PROS1: variants seen among roughly 807,000 people sequenced by gnomAD.
PROS1 encodes protein S.
A neutral mutation model predicts 75.9 loss-of-function variants in PROS1; 29 were observed. That is an observed-to-expected ratio of 0.38 (90% confidence interval 0.28 to 0.52). PROS1 has a LOEUF of 0.52. PROS1 is among the 20% of genes least tolerant of loss of function. The pLI is 0.83. For synonymous variants in PROS1, 245 were observed against 280.6 expected, an observed-to-expected ratio of 0.87 and a Z score of 1.27; for missense variants, 680 against 810.3, an observed-to-expected ratio of 0.84 and a Z score of 1.95.
intron 1 of PROS1, among the ~76,000 whole-genome samples, chr3:93,970,694 T>C (rs1709866434): frequency 6.6e-6 from 1 of 152,172 alleles, no homozygotes; most frequent in African/African-American, 2.4e-5. Flanking sequence ...CTCATACATA[T>C]ATGTATGTAT....
chr3:93,905,548 T>C (rs1708660038), intron 6 of PROS1, among the ~76,000 whole-genome samples: 1 of 152,158 alleles, frequency 6.6e-6, no homozygotes, highest in Non-Finnish European at 1.5e-5. Flanking sequence ...AAGGCTACAG[T>C]GAGCCATGAT....
intron 1 of PROS1, among the ~76,000 whole-genome samples, chr3:93,946,376 A>G (rs1417320711): frequency 2.6e-5 from 4 of 152,164 alleles, no homozygotes; most frequent in East Asian, 1.9e-4. Context: ...GAACAAAGCT[A>G]GAGGCATCAT....
chr3:93,973,891 CG>C lies in PROS1; in HGVS notation c.-143del. On this transcript the variant is annotated 5_prime_UTR_variant, in exon 1 of 15. Coordinates refer to ENST00000394236, the MANE Select transcript of PROS1 (RefSeq NM_000313.4). ...GCGCCAGCGACCCAGCGAGCCTCGG[CG>C]GAACAGCCGGGGGCGGAGGAGACCG... is the stretch of plus-strand genomic sequence containing the variant. The C allele has an allele frequency of 1.1e-5, 6 of 558,014 alleles. No individual in the cohort carries two copies. Among genetic ancestry groups the C allele is most frequent in the South Asian group, 5.7e-5 (1 of 17,520 alleles). The allele number at this position is 558,014 out of a possible 1,614,324, so 34.6% of individuals were successfully genotyped here. A position where few individuals can be genotyped will look rare whatever the true frequency, so the allele number is the denominator to read the frequency against.
At chr3:93,886,541 T>C in intron 10 of PROS1, 38 bp from the exon 11 acceptor site, 1 of 1,467,058 alleles carries the variant, frequency 6.8e-7, no homozygotes, top group Non-Finnish European at 9.5e-7. Flanking sequence ...TAACCAAGTA[T>C]TACTACATGT....
intron 9 of PROS1, among the ~76,000 whole-genome samples, chr3:93,893,832 T>C (rs1051492196): frequency 3.9e-5 from 6 of 152,198 alleles, no homozygotes; most frequent in African/African-American, 1.4e-4. Flanking sequence ...AAAGACATAG[T>C]CTACCCATGT....
At position 93,874,383 on chromosome 3, in the gene PROS1, T is replaced by C; in HGVS notation, c.1893A>G (p.Pro631=). ...GLPDVPFSAT[P]VNAFYNGCME... ...TGCAGCCATTATAAAAGGCATTCAC[T>C]GGTGTGGCACTGAATGGAACATCTG... Residue 631 remains proline, a synonymous_variant, in exon 15 of 15, where the codon CCA becomes CCG. Transcript: ENST00000394236. 6.2e-7 allele frequency: 1 copy of C among 1,613,410 alleles called. No individual in the cohort carries two copies. Among genetic ancestry groups the C allele is most frequent in the Non-Finnish European group, 8.5e-7 (1 of 1,179,506 alleles).
At chr3:93,926,554 C>T (rs1709019900) in intron 2 of PROS1, among the ~76,000 whole-genome samples, 1 of 152,118 alleles carries the variant, frequency 6.6e-6, no homozygotes, top group Admixed American at 6.5e-5. Flanking sequence ...ATCTCTTGAA[C>T]CCGGGAAGTG....
chr3:93,927,881 A>G (rs201166680), intron 1 of PROS1, among the ~76,000 whole-genome samples: 89 of 118,030 alleles, frequency 7.5e-4, no homozygotes, highest in African/African-American at 2.2e-3. Flanking sequence ...ATATGTGTGT[A>G]TGTGTATATA....
intron 1 of PROS1, among the ~76,000 whole-genome samples, 159 bp from the exon 2 acceptor site, chr3:93,927,566 C>A (rs1440627657): frequency 6.6e-6 from 1 of 151,960 alleles, no homozygotes; most frequent in Non-Finnish European, 1.5e-5. Context: ...TACAGAAGCA[C>A]GTTGGTTAAC....
intron 4 of PROS1, among the ~76,000 whole-genome samples, chr3:93,907,307 T>C (rs1413260596): frequency 1.3e-5 from 2 of 152,106 alleles, no homozygotes; most frequent in Non-Finnish European, 2.9e-5. Flanking sequence ...GGGCCTCCCA[T>C]GTACTGGGAG....
At chr3:93,905,053 A>C (rs934961798) in intron 6 of PROS1, among the ~76,000 whole-genome samples, 1 of 152,258 alleles carries the variant, frequency 6.6e-6, no homozygotes, top group African/African-American at 2.4e-5. Context: ...AAATCAGAAA[A>C]GTATTTCTGA....
chr3:93,964,338 T>C (rs538034795), intron 1 of PROS1, among the ~76,000 whole-genome samples: 107 of 152,330 alleles, frequency 7.0e-4, no homozygotes, highest in African/African-American at 2.4e-3. Flanking sequence ...CTAAATTCTT[T>C]TCCTAGCAAG....
intron 6 of PROS1, among the ~76,000 whole-genome samples, chr3:93,903,628 C>T (rs552684480): frequency 6.6e-6 from 1 of 152,228 alleles, no homozygotes; most frequent in South Asian, 2.1e-4. Context: ...CGTTCCACTG[C>T]ACTCCAGCCT....
chr3:93,955,389 T>C (rs955811507), intron 1 of PROS1, among the ~76,000 whole-genome samples: 2 of 152,210 alleles, frequency 1.3e-5, no homozygotes, highest in South Asian at 4.1e-4. Flanking sequence ...TGGAATACTA[T>C]GCAGTCATAA....
intron 1 of PROS1, among the ~76,000 whole-genome samples, chr3:93,957,778 T>C (rs1375482941): frequency 6.6e-6 from 1 of 152,196 alleles, no homozygotes; most frequent in Non-Finnish European, 1.5e-5. Context: ...CATTCTCACA[T>C]TGCTACGAAG....
chr3:93,895,399 G>GA (rs780405296), intron 9 of PROS1, among the ~76,000 whole-genome samples: 21 of 152,148 alleles, frequency 1.4e-4, no homozygotes, highest in Middle Eastern at 3.4e-3. Context: ...GATGTTAAAG[G>GA]AAAAAACCAC....
intron 14 of PROS1, 148 bp from the exon 15 acceptor site, chr3:93,874,553 T>C (rs1218879769): frequency 9.1e-7 from 1 of 1,100,246 alleles, no homozygotes; most frequent in East Asian, 2.6e-5. Context: ...CATAAATACA[T>C]GTTAAGTGAC....
chr3:93,973,884 G>T lies in PROS1; in HGVS notation c.-135C>A. 1.6e-6 allele frequency: 1 copy of T among 628,350 alleles called. No homozygotes were observed. The highest frequency in any genetic ancestry group is 2.4e-6 in the Non-Finnish European group (1 of 420,898). The allele number at this position is 628,350 out of a possible 1,614,324, so 38.9% of individuals were successfully genotyped here. The stretch of plus-strand genomic sequence containing the variant: ...CGCGGCGGCGCCAGCGACCCAGCGA[G>T]CCTCGGCGGAACAGCCGGGGGCGGA... On this transcript the variant is annotated 5_prime_UTR_variant, in exon 1 of 15. Transcript: ENST00000394236.
At chr3:93,939,706 A>T (rs1709251872) in intron 1 of PROS1, among the ~76,000 whole-genome samples, 1 of 151,952 alleles carries the variant, frequency 6.6e-6, no homozygotes, top group African/African-American at 2.4e-5. Context: ...AAATGTAAAA[A>T]TCCAGCCCAG....
Sources: gnomAD v4.1 joint callset for allele counts (sites outside exome capture counted in the v4.1 genomes callset) on GRCh38, gnomAD v4.1.1 for gene constraint, MANE v1.5 for transcripts, NCBI Gene and HGNC (gene_info 2026-07-23, HGNC 2026-07-21) for gene names.